ANKRD46: variants seen among roughly 807,000 people sequenced by gnomAD.
ANKRD46 encodes the protein ankyrin repeat domain-containing protein 46.
Under a neutral mutation model 19.8 loss-of-function variants are expected in ANKRD46, and 13 were observed. The ratio of observed to expected loss-of-function variants is 0.66; its 90% CI spans 0.43 to 1.04. The LOEUF is 1.04. Ranked by LOEUF, ANKRD46 falls within the 50% of genes least tolerant of loss-of-function variation. The pLI, the probability that ANKRD46 is intolerant of heterozygous loss-of-function variation, is 0.00. For missense variants in ANKRD46, 185 were observed against 274.8 expected (o/e 0.67, Z 2.31); for synonymous variants, 91 against 106.9 (o/e 0.85, Z 0.92).
At chr8:100,516,453 A>G (rs758402978), downstream of ANKRD46, among the ~76,000 whole-genome samples, 1 of 152,204 alleles carries the variant, frequency 6.6e-6, no homozygotes, top group Non-Finnish European at 1.5e-5. Context: ...TCAAAAAGTA[A>G]TTTTATGGTA....
At chr8:100,523,420 C>T (rs889384603) in intron 4 of ANKRD46, among the ~76,000 whole-genome samples, 1 of 149,878 alleles carries the variant, frequency 6.7e-6, no homozygotes, top group Admixed American at 6.7e-5. Context: ...ACTTCTAGGC[C>T]CTAGAACTGA....
rs1442087743 is a variant in ANKRD46 at position 100,559,650 on chromosome 8, G to A, written c.-131+61C>T. 6.6e-6 allele frequency: 1 copy of A among 152,276 alleles called. No individual in the cohort carries two copies. Among genetic ancestry groups the A allele is most frequent in the Admixed American group, 6.5e-5 (1 of 15,288 alleles). 9.4% of individuals were successfully genotyped at this position (152,276 alleles called of 1,614,324 possible). A position where few individuals can be genotyped will look rare whatever the true frequency, so the allele number is the denominator to read the frequency against. On this transcript the variant is annotated intron_variant, in intron 1 of 4. Coordinates refer to ENST00000335659, the MANE Select transcript of ANKRD46 (RefSeq NM_001270377.2). This position sits in a 1 kb window ranked among gnomAD's most constrained non-coding sequence, Gnocchi z 6.0. Reference sequence around the variant, plus strand: ...ACTGGACCTCCAGTGCTACAGGGACGGTGCAGGAGATATCAAGTGGCTCTA... The same window carrying A: ...ACTGGACCTCCAGTGCTACAGGGACAGTGCAGGAGATATCAAGTGGCTCTA...
intron 2 of ANKRD46, among the ~76,000 whole-genome samples, chr8:100,530,625 C>T (rs1429754660): frequency 6.6e-6 from 1 of 152,066 alleles, no homozygotes; most frequent in Non-Finnish European, 1.5e-5. Context: ...CCTCATGATC[C>T]GCCTGCCTTG....
Position 100,522,334 on chromosome 8 carries a change from G to A in ANKRD46, c.*221C>T. ...ACGTGTAGGCTTTCCTACAAAGTCA[G>A]GTTGAGTCAGAGGTAGCGTTAGGAT... On this transcript the variant is annotated 3_prime_UTR_variant, in exon 5 of 5. Transcript: ENST00000335659. 7.3e-7 allele frequency: 1 copy of A among 1,362,456 alleles called. No individual in the cohort carries two copies. The highest frequency in any genetic ancestry group is 9.5e-7 in the Non-Finnish European group (1 of 1,056,732). The allele number at this position is 1,362,456 out of a possible 1,614,324, so 84.4% of individuals were successfully genotyped here. A position where few individuals can be genotyped will look rare whatever the true frequency, so the allele number is the denominator to read the frequency against.
At chr8:100,535,385 G>A (rs1374381162) in intron 1 of ANKRD46, among the ~76,000 whole-genome samples, 1 of 152,196 alleles carries the variant, frequency 6.6e-6, no homozygotes, top group Non-Finnish European at 1.5e-5. Context: ...ATAACACAGA[G>A]TGATCCTGTG....
rs371642378 is a variant in ANKRD46, at chr8:100,550,343, G to C, written c.-131+9368C>G. Among the ~76,000 whole-genome samples the C allele has an allele frequency of 3.9e-5, 6 of 152,308 alleles. No individual in the cohort carries two copies. Among genetic ancestry groups the C allele is most frequent in the African/African-American group, 1.4e-4 (6 of 41,566 alleles). The stretch of plus-strand genomic sequence containing the variant: ...AGCATTTGGTGTTGTCAGCGTTCTA[G>C]ATTTTAGTTAGCCATTTTAGTAAGT... On this transcript the variant is annotated intron_variant, in intron 1 of 4. Coordinates refer to ENST00000335659, the MANE Select transcript of ANKRD46 (RefSeq NM_001270377.2). This position sits in a 1 kb window ranked among gnomAD's most constrained non-coding sequence, Gnocchi z 4.4.
rs559448723 is a variant in ANKRD46 at position 100,544,889 on chromosome 8, T to A, written c.-130-11578A>T. Among the ~76,000 whole-genome samples, 2 of 152,296 alleles carry A rather than the reference T, an allele frequency of 1.3e-5. No homozygotes were observed. The highest frequency in any genetic ancestry group is 3.9e-4 in the East Asian group (2 of 5,188). ...AACAATGGGAGCAACTCATAGAGTC[T>A]GGTGCTCTTCACAGAGTGAACAAGC... On this transcript the variant is annotated intron_variant, in intron 1 of 4. Transcript: ENST00000335659. This position sits in a 1 kb window ranked among gnomAD's most constrained non-coding sequence, Gnocchi z 4.4.
chr8:100,551,327 T>A, intron 1 of ANKRD46: 1 of 556,570 alleles, frequency 1.8e-6, no homozygotes, highest in Admixed American at 2.2e-5. Flanking sequence ...CCATTATGAA[T>A]ATGGGGGCAT....
intron 2 of ANKRD46, among the ~76,000 whole-genome samples, chr8:100,531,096 G>A (rs1010564087): frequency 6.6e-6 from 1 of 152,110 alleles, no homozygotes. Flanking sequence ...CATACAACTA[G>A]GTCTCTCTCT....
In ANKRD46 at chr8:100,527,250, G is replaced by GTCACTT. The variant is rs1199940659; in HGVS notation, c.470+589_470+594dup. Among the ~76,000 whole-genome samples the GTCACTT allele has an allele frequency of 6.6e-6, 1 of 152,172 alleles. No individual in the cohort carries two copies. The highest frequency in any genetic ancestry group is 1.5e-5 in the Non-Finnish European group (1 of 68,020). On this transcript the variant is annotated intron_variant, in intron 4 of 4. Coordinates refer to ENST00000335659, the MANE Select transcript of ANKRD46 (RefSeq NM_001270377.2). The surrounding 1 kb of genome is among the most constrained non-coding windows in gnomAD (Gnocchi z 4.0). Reference sequence around the variant, plus strand: ...TTCATTAGCTCCAACTCATATGAAAGTCACTTTCACTTTCACATTACTGAA... The same window carrying GTCACTT: ...TTCATTAGCTCCAACTCATATGAAAGTCACTTTCACTTTCACTTTCACATTACTGAA...
intron 1 of ANKRD46, among the ~76,000 whole-genome samples, chr8:100,549,003 TAAG>T (rs1376471042): frequency 6.6e-6 from 1 of 150,546 alleles, no homozygotes; most frequent in East Asian, 1.9e-4. Context: ...TTTTTAGAAA[TAAG>T]AAATTTTTTT....
At chr8:100,533,116 T>C (rs908320435) in intron 2 of ANKRD46, 93 bp downstream of exon 2, 43 of 152,226 alleles carry the variant, frequency 2.8e-4, no homozygotes, top group African/African-American at 1.0e-3. Flanking sequence ...ATGATAGTTA[T>C]TTTTCATCTT....
At chr8:100,518,779 G>A (rs1811674762), downstream of ANKRD46, among the ~76,000 whole-genome samples, 1 of 151,760 alleles carries the variant, frequency 6.6e-6, no homozygotes, top group Non-Finnish European at 1.5e-5. Context: ...GTGAACCCGG[G>A]AGGCAGAGCT....
rs1812088903 is a variant in ANKRD46 at position 100,537,563 on chromosome 8, G to A, written c.-130-4252C>T. 6.6e-6 allele frequency among the ~76,000 whole-genome samples: 1 copy of A among 152,096 alleles called. No homozygotes were observed. Among genetic ancestry groups the A allele is most frequent in the Admixed American group, 6.6e-5 (1 of 15,262 alleles). ...ACAGCTGTTTCAAAATATAATCTCA[G>A]AGAACTATAAAACAAAAATTTCCAA... On this transcript the variant is annotated intron_variant, in intron 1 of 4. Transcript: ENST00000335659. This position sits in a 1 kb window ranked among gnomAD's most constrained non-coding sequence, Gnocchi z 4.2.
chr8:100,510,880 C>G lies in ANKRD46; in HGVS notation c.637-241G>C, dbSNP rs80045835. Among the ~76,000 whole-genome samples, 2 of 152,212 alleles carry G rather than the reference C, an allele frequency of 1.3e-5. No individual in the cohort carries two copies. Among genetic ancestry groups the G allele is most frequent in the Admixed American group, 1.3e-4 (2 of 15,286 alleles). On this transcript the variant is annotated intron_variant, in intron 5 of 5. Coordinates refer to the ANKRD46 transcript ENST00000520552. This position sits in a 1 kb window ranked among gnomAD's most constrained non-coding sequence, Gnocchi z 4.9. ...GCAAGGACTGTGTTCAATGTCCTCT[C>G]GAGCTAATAATTAAGGTATTATTTA...
chr8:100,551,401 T>C lies in ANKRD46; in HGVS notation c.-131+8310A>G, dbSNP rs16898570. 2,135 of 613,156 alleles carry C rather than the reference T, an allele frequency of 3.5e-3. 32 individuals are homozygous for C. The highest frequency in any genetic ancestry group is 0.026 in the African/African-American group (1,435 of 54,818). The allele number at this position is 613,156 out of a possible 1,614,324, so 38.0% of individuals were successfully genotyped here. A position where few individuals can be genotyped will look rare whatever the true frequency, so the allele number is the denominator to read the frequency against. ...CCATTAAGTGAGCCCCAGCCTTCTC[T>C]ATGGTCATGAAGATGCCAGTGGACT... On this transcript the variant is annotated intron_variant, in intron 1 of 4. Coordinates refer to ENST00000335659, the MANE Select transcript of ANKRD46 (RefSeq NM_001270377.2).
Position 100,545,760 on chromosome 8 carries a change from T to C in ANKRD46, c.-130-12449A>G, listed in dbSNP as rs145144794. Among the ~76,000 whole-genome samples, 1,176 of 152,306 alleles carry C rather than the reference T, an allele frequency of 7.7e-3. 16 individuals are homozygous for C. Among genetic ancestry groups the C allele is most frequent in the African/African-American group, 0.026 (1,066 of 41,574 alleles). On this transcript the variant is annotated intron_variant, in intron 1 of 4. Transcript: ENST00000335659. The surrounding 1 kb of genome is among the most constrained non-coding windows in gnomAD (Gnocchi z 4.7). ...TTCCTAGAGCCTTGCTGAATGGTTTTGACCAAAATGCTGATAGTGATATGG... is the reference window on the plus strand; with the variant it reads ...TTCCTAGAGCCTTGCTGAATGGTTTCGACCAAAATGCTGATAGTGATATGG...
chr8:100,510,516 C>T lies in ANKRD46; in HGVS notation c.*61G>A, dbSNP rs72679744. The T allele has an allele frequency of 0.05, 73,305 of 1,469,102 alleles. 2,051 individuals are homozygous for T. Among genetic ancestry groups the T allele is most frequent in the Admixed American group, 0.075 (3,632 of 48,714 alleles). The allele number at this position is 1,469,102 out of a possible 1,614,324, so 91.0% of individuals were successfully genotyped here. On this transcript the variant is annotated 3_prime_UTR_variant, in exon 6 of 6. Coordinates refer to the ANKRD46 transcript ENST00000520552. The surrounding 1 kb of genome is among the most constrained non-coding windows in gnomAD (Gnocchi z 4.9). Reference sequence around the variant, plus strand: ...CAGCCCCACCCAACAGGGACGCTGACGTCTGTATCCCTTCTTTCTTGCCTT... The same window carrying T: ...CAGCCCCACCCAACAGGGACGCTGATGTCTGTATCCCTTCTTTCTTGCCTT...
intron 1 of ANKRD46, among the ~76,000 whole-genome samples, chr8:100,552,640 G>C (rs1246640963): frequency 6.6e-6 from 1 of 152,154 alleles, no homozygotes; most frequent in Non-Finnish European, 1.5e-5. Flanking sequence ...AGGTGAGCAA[G>C]TGACCAGTCC....
Sources: allele counts gnomAD v4.1 joint callset (sites outside exome capture counted in the v4.1 genomes callset), GRCh38; gene constraint gnomAD v4.1.1; non-coding constraint Gnocchi (gnomAD v3.1); transcripts MANE v1.5; gene names NCBI Gene and HGNC (gene_info 2026-07-23, HGNC 2026-07-21).